Variants in PTPN3 observed in about 807,000 individuals in gnomAD.
The protein encoded by PTPN3 is tyrosine-protein phosphatase non-receptor type 3.
A neutral mutation model predicts 132.7 loss-of-function variants in PTPN3; 96 were observed. That is an observed-to-expected ratio of 0.72 (90% CI 0.61 to 0.86). PTPN3 has a LOEUF of 0.86. Among genes scored for constraint, PTPN3 ranks in the 40% least tolerant of loss-of-function variants. The probability of loss-of-function intolerance (pLI) is 0.00; values close to 1 mark genes in which losing one functional copy is unlikely to be tolerated. For synonymous variants in PTPN3, 398 were observed against 429.0 expected (o/e 0.93, Z 0.89); for missense variants, 1,125 against 1,159.6 (o/e 0.97, Z 0.43).
intron 15 of PTPN3, 71 bp downstream of exon 15, chr9:109,410,158 C>T (rs1250904342): frequency 1.5e-5 from 24 of 1,612,162 alleles, no homozygotes; most frequent in Non-Finnish European, 1.9e-5. Flanking sequence ...TTAGTTAGAG[C>T]TACTCAGCTG....
the PTPN3 span, among the ~76,000 whole-genome samples, chr9:109,537,531 C>CTCTT: frequency 6.6e-6 from 1 of 152,016 alleles, no homozygotes; most frequent in Non-Finnish European, 1.5e-5. Context: ...CTGCCTGACT[C>CTCTT]TCTCCTGGTG....
chr9:109,499,253 G>C (rs1335122790), upstream of PTPN3, among the ~76,000 whole-genome samples: 1 of 152,098 alleles, frequency 6.6e-6, no homozygotes, highest in African/African-American at 2.4e-5. Flanking sequence ...GGTAAGCAGT[G>C]AATTTTCAGT....
chr9:109,477,434 G>A (rs1846732338), intron 1 of PTPN3, among the ~76,000 whole-genome samples: 1 of 152,154 alleles, frequency 6.6e-6, no homozygotes. Context: ...TGTAACAGGT[G>A]TTTCAGCAAA....
chr9:109,478,776 A>T (rs2132095056), intron 1 of PTPN3, among the ~76,000 whole-genome samples: 1 of 152,176 alleles, frequency 6.6e-6, no homozygotes, highest in Non-Finnish European at 1.5e-5. Flanking sequence ...TCCCTGAGCA[A>T]CTCCCATGAC....
intron 1 of PTPN3, among the ~76,000 whole-genome samples, chr9:109,469,486 G>A (rs1266759355): frequency 6.6e-6 from 1 of 152,102 alleles, no homozygotes; most frequent in African/African-American, 2.4e-5. Context: ...GGGTGTGGTG[G>A]GGCACGCCTG....
At chr9:109,479,049 G>A (rs1163001506) in intron 1 of PTPN3, among the ~76,000 whole-genome samples, 1 of 149,162 alleles carries the variant, frequency 6.7e-6, no homozygotes, top group Non-Finnish European at 1.5e-5. Context: ...AGGACCTAAC[G>A]CTTGCCATTT....
In PTPN3 at chr9:109,480,895, AATGG is replaced by A. The variant is rs199785673; in HGVS notation, c.-18+17320_-18+17323del. ...GTGCTCAATAATTCACTGTGGGATG[AATGG>A]ATGGATGGATGGATGGATGGATGGA... On this transcript the variant is annotated intron_variant, in intron 1 of 25. Coordinates refer to ENST00000374541, the MANE Select transcript of PTPN3 (RefSeq NM_002829.4). Among the ~76,000 whole-genome samples the A allele has an allele frequency of 1.4e-3, 207 of 151,800 alleles. 1 individual carries two copies. The highest frequency in any genetic ancestry group is 2.2e-3 in the Non-Finnish European group (146 of 67,906).
intron 1 of PTPN3, among the ~76,000 whole-genome samples, chr9:109,472,716 T>G (rs1254678926): frequency 1.3e-5 from 2 of 152,222 alleles, no homozygotes; most frequent in Non-Finnish European, 2.9e-5. Context: ...CTTTCTTGGC[T>G]TTTAAATTTT....
chr9:109,533,126 ATTTTTTTTTTTTTTTT>A, the PTPN3 span, among the ~76,000 whole-genome samples: 6 of 36,566 alleles, frequency 1.6e-4, no homozygotes, highest in Admixed American at 2.4e-3. Context: ...TACCTGGCTA[ATTTTTTTTTTTTTTTT>A]TTTTTTTTTT....
At chr9:109,478,938 C>T (rs1846824267) in intron 1 of PTPN3, among the ~76,000 whole-genome samples, 1 of 152,162 alleles carries the variant, frequency 6.6e-6, no homozygotes, top group Non-Finnish European at 1.5e-5. Context: ...ACGTGCTCCT[C>T]CCACTACCTC....
At chr9:109,391,297 C>T in intron 20 of PTPN3, 98 bp from the exon 21 acceptor site, 1 of 1,314,794 alleles carries the variant, frequency 7.6e-7, no homozygotes, top group Non-Finnish European at 1.1e-6. Flanking sequence ...GCAGCTCTGC[C>T]TCATTAGCAT....
intron 11 of PTPN3, among the ~76,000 whole-genome samples, chr9:109,428,038 A>G (rs969245221): frequency 6.6e-6 from 1 of 152,200 alleles, no homozygotes; most frequent in Non-Finnish European, 1.5e-5. Flanking sequence ...TGCTTATGAG[A>G]TATATACACC....
At chr9:109,506,747 T>G in the PTPN3 span, among the ~76,000 whole-genome samples, 1 of 151,878 alleles carries the variant, frequency 6.6e-6, no homozygotes, top group Non-Finnish European at 1.5e-5. Flanking sequence ...GGACTACAGG[T>G]GCATGCCACA....
chr9:109,480,061 T>C (rs566805095), intron 1 of PTPN3, among the ~76,000 whole-genome samples: 13 of 152,354 alleles, frequency 8.5e-5, no homozygotes, highest in Admixed American at 8.5e-4. Flanking sequence ...TACTTTACAT[T>C]TTCCGTAATG....
intron 1 of PTPN3, among the ~76,000 whole-genome samples, chr9:109,492,355 C>G (rs1027120265): frequency 6.6e-5 from 10 of 152,224 alleles, no homozygotes; most frequent in Non-Finnish European, 1.5e-4. Context: ...GGCCCCTGCA[C>G]AGTCCTGGAT....
intron 1 of PTPN3, among the ~76,000 whole-genome samples, chr9:109,484,851 C>G (rs1054185884): frequency 6.6e-6 from 1 of 152,322 alleles, no homozygotes; most frequent in Non-Finnish European, 1.5e-5. Context: ...TATGACCCCC[C>G]ATCCTGCGCT....
chr9:109,399,938 AC>A (rs1447317441), intron 19 of PTPN3, among the ~76,000 whole-genome samples: 1 of 141,992 alleles, frequency 7.0e-6, no homozygotes, highest in Admixed American at 7.0e-5. Context: ...CAACACAGTT[AC>A]CTTTTTTTTT....
Position 109,379,440 on chromosome 9 carries a change from G to A in PTPN3, c.*116C>T. ...GAAGTTTAAAGTGCCTGGGTTCAGAGGTGCCCATTCCTTTCCCACAGCTAC... is the reference window on the plus strand; with the variant it reads ...GAAGTTTAAAGTGCCTGGGTTCAGAAGTGCCCATTCCTTTCCCACAGCTAC... On this transcript the variant is annotated 3_prime_UTR_variant, in exon 26 of 26. Transcript: ENST00000374541. 1 of 868,178 alleles carries A rather than the reference G, an allele frequency of 1.2e-6. No homozygotes were observed. The highest frequency in any genetic ancestry group is 1.5e-5 in the South Asian group (1 of 66,516). 53.8% of individuals were successfully genotyped at this position (868,178 alleles called of 1,614,324 possible). A position where few individuals can be genotyped will look rare whatever the true frequency, so the allele number is the denominator to read the frequency against.
rs1471131546 is a variant in PTPN3, at chr9:109,389,225, C to T, written c.2253+8G>A. 6.2e-7 allele frequency: 1 copy of T among 1,612,248 alleles called. No individual in the cohort carries two copies. Among genetic ancestry groups the T allele is most frequent in the Non-Finnish European group, 8.5e-7 (1 of 1,178,658 alleles). ...GCACACATCTGAATTAGAAATCAAG[C>T]TACTTACCCGCCCTCGTTCTGTGAG... On this transcript the variant is annotated splice_region_variant and intron_variant, in intron 22 of 25. Transcript: ENST00000374541.
Sources: allele counts gnomAD v4.1 joint callset (sites outside exome capture counted in the v4.1 genomes callset), GRCh38; gene constraint gnomAD v4.1.1; transcripts MANE v1.5; gene names NCBI Gene and HGNC (gene_info 2026-07-23, HGNC 2026-07-21).